The following PRSS53 variants were observed in gnomAD, a reference collection of about 807,000 sequenced individuals.
PRSS53 encodes the protein EDTP308.
In PRSS53, 54 loss-of-function variants were observed where a neutral mutation model predicts 62.7. The observed-to-expected ratio is 0.86, with a 90% confidence interval of 0.69 to 1.08. PRSS53 has a LOEUF of 1.08. PRSS53 is among the 50% of genes least tolerant of loss of function. The pLI, the probability that PRSS53 is intolerant of heterozygous loss-of-function variation, is 0.00. For synonymous variants in PRSS53, 273 were observed against 300.0 expected, an observed-to-expected ratio of 0.91 and a Z score of 0.93; for missense variants, 688 against 728.3, an observed-to-expected ratio of 0.94 and a Z score of 0.64.
At chr16:31,088,218 G>A (rs2057254677) in intron 1 of PRSS53, 2 of 1,155,330 alleles carry the variant, frequency 1.7e-6, no homozygotes, top group Non-Finnish European at 2.2e-6. Context: ...AGGATTAGAG[G>A]CCTGCATCAT....
intron 3 of PRSS53, 176 bp downstream of exon 3, chr16:31,087,361 T>C: frequency 1.6e-6 from 1 of 619,188 alleles, no homozygotes; most frequent in Non-Finnish European, 2.9e-6. Flanking sequence ...GTAAATCTTC[T>C]ACCATGAAAG....
exon 9 of PRSS53, chr16:31,084,692 G>A (rs763065473): frequency 4.3e-6 from 7 of 1,611,700 alleles, no homozygotes; most frequent in African/African-American, 2.7e-5. Flanking sequence ...ACTGTCTGGA[G>A]GGAGCTGATG....
Position 31,088,904 on chromosome 16 carries a change from G to C in PRSS53, c.-95C>G. ...CTCTGCTCCACCTCCAGTTGGCTAG[G>C]ATTCAGCTGTCTGCTTGCCCTAGCC... is the stretch of plus-strand genomic sequence containing the variant. On this transcript the variant is annotated 5_prime_UTR_variant, in exon 1 of 11. In the 5' UTR this introduces an upstream ATG that the reference lacks. Transcript: ENST00000280606. 1.3e-6 allele frequency: 2 copies of C among 1,563,476 alleles called. No individual in the cohort carries two copies. The highest frequency in any genetic ancestry group is 1.7e-6 in the Non-Finnish European group (2 of 1,156,830).
chr16:31,088,740 A>G lies in PRSS53; in HGVS notation c.58+12T>C. On this transcript the variant is annotated intron_variant, in intron 1 of 10. Transcript: ENST00000280606. ...CCAGGCCACACCCATACCCCAGCACATGGCGGCTTACCCTCCATGAGGACT... is the reference window on the plus strand; with the variant it reads ...CCAGGCCACACCCATACCCCAGCACGTGGCGGCTTACCCTCCATGAGGACT... The G allele has an allele frequency of 6.2e-7, 1 of 1,613,234 alleles. No homozygotes were observed. Among genetic ancestry groups the G allele is most frequent in the Non-Finnish European group, 8.5e-7 (1 of 1,179,994 alleles).
chr16:31,086,586 G>T lies in PRSS53; in HGVS notation c.508+47C>A, dbSNP rs200264055. 55 of 1,548,538 alleles carry T rather than the reference G, an allele frequency of 3.6e-5. No individual in the cohort carries two copies. In the African/African-American group the frequency reaches 6.8e-4, roughly 19 times the overall value. On this transcript the variant is annotated intron_variant, in intron 4 of 10. Transcript: ENST00000280606. The stretch of plus-strand genomic sequence containing the variant: ...AGTTGGGAGCTGAGACTGTGACGCT[G>T]GGCAAGCAGAGTGCCTCTCCGAGCT...
At chr16:31,084,798 G>T (rs571044281) in exon 8 of PRSS53, 1 of 1,548,160 alleles carries the variant, frequency 6.5e-7, no homozygotes, top group East Asian at 2.4e-5. Context: ...GGGCGGGCCC[G>T]TCCCAGAACC....
At chr16:31,085,082 G>A in intron 7 of PRSS53, 28 bp downstream of exon 7, 1 of 1,612,666 alleles carries the variant, frequency 6.2e-7, no homozygotes, top group Non-Finnish European at 8.5e-7. Flanking sequence ...GGGGCAGGGG[G>A]CACAGCAGAG....
Position 31,086,721 on chromosome 16 carries a change from G to A in PRSS53, c.420C>T (p.His140=), listed in dbSNP as rs764388433. ...CGGGCTGGGGCAGGCAGAGGGGTGTGTGGGTCGTGGGGTGGGCGAGCTGCA... is the reference window on the plus strand; with the variant it reads ...CGGGCTGGGGCAGGCAGAGGGGTGTATGGGTCGTGGGGTGGGCGAGCTGCA... The change falls in exon 4 of 11, where the codon CAC becomes CAT. Residue 140 remains histidine (H), a synonymous_variant. Coordinates refer to ENST00000280606, the Ensembl canonical transcript of PRSS53. The A allele has an allele frequency of 3.8e-6, 6 of 1,584,982 alleles. No individual in the cohort carries two copies. In the Admixed American group the frequency reaches 1.1e-4, roughly 28 times the overall value.
chr16:31,088,799 C>CA lies in PRSS53; in HGVS notation c.10dup (p.Cys4LeufsTer77). Reference sequence around the variant, plus strand: ...CGCGATGAGCAGCACTGGGCCCCAGCACCACTTCATGCTGCCCCGGGCCAC... The same window carrying CA: ...CGCGATGAGCAGCACTGGGCCCCAGCAACCACTTCATGCTGCCCCGGGCCAC... On this transcript the variant is annotated frameshift_variant, in exon 1 of 11. Transcript: ENST00000280606. LOFTEE classifies it high-confidence loss of function. 6.2e-7 allele frequency: 1 copy of CA among 1,613,856 alleles called. No individual in the cohort carries two copies. Among genetic ancestry groups the CA allele is most frequent in the Non-Finnish European group, 8.5e-7 (1 of 1,180,030 alleles).
exon 10 of PRSS53, chr16:31,084,248 G>T (rs1304356157): frequency 6.2e-7 from 1 of 1,612,052 alleles, no homozygotes; most frequent in East Asian, 2.2e-5. Context: ...GGCCTGGCGG[G>T]GCCTTGGCAA....
At chr16:31,088,667 C>A in intron 1 of PRSS53, 85 bp downstream of exon 1, 5 of 1,599,156 alleles carry the variant, frequency 3.1e-6, no homozygotes, top group East Asian at 4.5e-5. Flanking sequence ...GCGGTCCCCC[C>A]ACCAAGAAGC....
rs1369319525 is a variant in PRSS53 at position 31,087,530 on chromosome 16, GACTT to G, written c.242+3_242+6del. The G allele has an allele frequency of 1.2e-6, 2 of 1,610,690 alleles. No homozygotes were observed. The highest frequency in any genetic ancestry group is 1.7e-4 in the Middle Eastern group (1 of 6,058). On this transcript the variant is annotated splice_donor_5th_base_variant and intron_variant, in intron 3 of 10. Transcript: ENST00000280606. ...GGAGACCCTGCCTGACCCCAGCCATGACTTACTTTTCAAAGCAGTGGGCAGCAGT... is the reference window on the plus strand; with the variant it reads ...GGAGACCCTGCCTGACCCCAGCCATGACTTTTCAAAGCAGTGGGCAGCAGT...
At chr16:31,083,663 C>A in exon 11 of PRSS53, 1 of 1,558,222 alleles carries the variant, frequency 6.4e-7, no homozygotes, top group Non-Finnish European at 8.7e-7. Context: ...GGTTCCTTCC[C>A]ACAGCTGCTG....
chr16:31,085,844 G>C, intron 6 of PRSS53, 120 bp downstream of exon 6: 1 of 880,666 alleles, frequency 1.1e-6, no homozygotes, highest in Non-Finnish European at 1.8e-6. Flanking sequence ...TCCCATCCCA[G>C]GGGGTGAAAG....
At position 31,084,794 on chromosome 16, in the gene PRSS53, G is replaced by A. The variant is rs373736818; in HGVS notation, c.1265C>T (p.Ala422Val). 78 of 1,548,178 alleles carry A rather than the reference G, an allele frequency of 5.0e-5. No individual in the cohort carries two copies. Among genetic ancestry groups the A allele is most frequent in the Non-Finnish European group, 6.6e-5 (75 of 1,143,364 alleles). ...TGCCCACCTACCTGCTCCTGGGCGG[G>A]CCCGTCCCAGAACCCAGCCACGCTC... is the stretch of plus-strand genomic sequence containing the variant. The change falls in exon 8 of 11, where the codon GCC becomes GTC. Residue 422 changes from alanine to valine, a missense_variant. Coordinates refer to ENST00000280606, the Ensembl canonical transcript of PRSS53.
Position 31,084,647 on chromosome 16 carries a change from G to A in PRSS53, c.1336C>T (p.Arg446Trp), listed in dbSNP as rs200170110. 5.4e-5 allele frequency: 87 copies of A among 1,609,398 alleles called. No individual in the cohort carries two copies. In the African/African-American group the frequency reaches 9.2e-4, roughly 17 times the overall value. ...TCACCCCCAGGAGCTGCATGCAGCCGGCTGCAGGCCCTAGGCCCCAGGAGG... is the reference window on the plus strand; with the variant it reads ...TCACCCCCAGGAGCTGCATGCAGCCAGCTGCAGGCCCTAGGCCCCAGGAGG... The change falls in exon 9 of 11, where the codon CGG (arginine) becomes TGG (tryptophan). Residue 446 changes from arginine (R) to tryptophan (W), a missense_variant. Physicochemically the swap from Arg to Trp is moderately radical, Grantham distance 101. Coordinates refer to ENST00000280606, the Ensembl canonical transcript of PRSS53.
intron 1 of PRSS53, 60 bp from the exon 2 acceptor site, chr16:31,087,886 G>A: frequency 1.9e-6 from 3 of 1,606,904 alleles, no homozygotes; most frequent in East Asian, 2.3e-5. Flanking sequence ...GCTTTGGGGA[G>A]GAGAGGGGAT....
chr16:31,084,988 C>T (rs991471159), exon 8 of PRSS53: 2 of 1,575,002 alleles, frequency 1.3e-6, no homozygotes, highest in Non-Finnish European at 1.7e-6. Context: ...CCGGTCTGGT[C>T]CCCAGCCCTA....
At chr16:31,083,931 G>T (rs899777354) in intron 10 of PRSS53, 122 bp from the exon 11 acceptor site, 1 of 1,540,552 alleles carries the variant, frequency 6.5e-7, no homozygotes, top group South Asian at 1.2e-5. Context: ...GAATACTGAG[G>T]CTCAAAGCGG....
Sources: allele counts gnomAD v4.1 joint callset, GRCh38; gene constraint gnomAD v4.1.1; transcripts MANE v1.5; gene names NCBI Gene and HGNC (gene_info 2026-07-23, HGNC 2026-07-21).